Variants in HORMAD2 observed in about 807,000 individuals in gnomAD.
HORMAD2 encodes HORMA domain containing 2.
In HORMAD2, 45 loss-of-function variants were observed where a neutral mutation model predicts 38.8. The ratio of observed to expected loss-of-function variants is 1.16; its 90% CI spans 0.91 to 1.49. The LOEUF (loss-of-function observed/expected upper bound fraction) is 1.49. Among genes scored for constraint, HORMAD2 ranks in the 40% most tolerant of loss-of-function variants. The pLI is 0.00. For synonymous variants in HORMAD2, 126 were observed against 122.8 expected, an observed-to-expected ratio of 1.03 and a Z score of -0.17; for missense variants, 338 against 367.0, an observed-to-expected ratio of 0.92 and a Z score of 0.65.
intron 7 of HORMAD2, among the ~76,000 whole-genome samples, chr22:30,117,412 C>T (rs942022515): frequency 2.6e-5 from 4 of 152,020 alleles, no homozygotes; most frequent in Non-Finnish European, 5.9e-5. Flanking sequence ...GCTTCAACTA[C>T]TAGATGTTTA....
At chr22:30,146,401 C>T (rs947385585) in intron 10 of HORMAD2, among the ~76,000 whole-genome samples, 3 of 151,776 alleles carry the variant, frequency 2.0e-5, no homozygotes, top group African/African-American at 7.3e-5. Context: ...AGGCTGAGGC[C>T]GGGGAATCAC....
chr22:30,191,531 T>C, the HORMAD2 span, among the ~76,000 whole-genome samples: 1 of 152,154 alleles, frequency 6.6e-6, no homozygotes, highest in African/African-American at 2.4e-5. Flanking sequence ...GAGTCAATGA[T>C]CTAATAGAGC....
At chr22:30,178,098 A>G (rs930413527), downstream of HORMAD2, among the ~76,000 whole-genome samples, 1 of 151,860 alleles carries the variant, frequency 6.6e-6, no homozygotes, top group Non-Finnish European at 1.5e-5. Context: ...CTTCACAAAA[A>G]CTCTATAAAG....
At chr22:30,092,345 C>CTTT (rs34673975) in intron 1 of HORMAD2, among the ~76,000 whole-genome samples, 173 of 107,936 alleles carry the variant, frequency 1.6e-3, no homozygotes, top group African/African-American at 5.6e-3. Context: ...AGATCCTTTG[C>CTTT]TTTTTTTTTT....
chr22:30,174,105 A>G (rs1390268276), intron 10 of HORMAD2, among the ~76,000 whole-genome samples: 1 of 152,240 alleles, frequency 6.6e-6, no homozygotes, highest in Non-Finnish European at 1.5e-5. Context: ...ATTGGTAAAC[A>G]GATCATAGTA....
At chr22:30,140,210 G>A (rs1211071665) in intron 10 of HORMAD2, among the ~76,000 whole-genome samples, 1 of 152,102 alleles carries the variant, frequency 6.6e-6, no homozygotes, top group African/African-American at 2.4e-5. Flanking sequence ...GTTGCCGTGA[G>A]CTGAGATAGC....
intron 10 of HORMAD2, among the ~76,000 whole-genome samples, chr22:30,148,442 T>G (rs905333519): frequency 6.6e-6 from 1 of 152,174 alleles, no homozygotes; most frequent in Non-Finnish European, 1.5e-5. Context: ...GTTTTATATC[T>G]TGATTGTGGT....
the HORMAD2 span, chr22:30,207,223 G>A: frequency 1.3e-3 from 499 of 399,116 alleles, 1 homozygote; most frequent in African/African-American, 7.2e-3. Flanking sequence ...GGTTTGGGAC[G>A]ACAGGTGCAT....
At chr22:30,166,801 T>C (rs986363588) in intron 10 of HORMAD2, among the ~76,000 whole-genome samples, 1 of 152,214 alleles carries the variant, frequency 6.6e-6, no homozygotes, top group Non-Finnish European at 1.5e-5. Context: ...AGAGAGGCTT[T>C]GTGGATGAAG....
rs1046334625 is a variant in HORMAD2 at position 30,171,215 on chromosome 22, G to A, written c.820-4848G>A. ...ACACCCATGGCATTAGTTATCCTCCGTATGCTTATGACTTTCAAATTTACA... is the reference window on the plus strand; with the variant it reads ...ACACCCATGGCATTAGTTATCCTCCATATGCTTATGACTTTCAAATTTACA... On this transcript the variant is annotated intron_variant, in intron 10 of 10. Coordinates refer to ENST00000336726, the MANE Select transcript of HORMAD2 (RefSeq NM_152510.4). 1.9e-4 allele frequency among the ~76,000 whole-genome samples: 29 copies of A among 152,004 alleles called. 1 individual carries two copies. Among genetic ancestry groups the A allele is most frequent in the African/African-American group, 7.0e-4 (29 of 41,384 alleles).
chr22:30,128,647 A>G (rs1055997219), intron 10 of HORMAD2, among the ~76,000 whole-genome samples: 1 of 152,150 alleles, frequency 6.6e-6, no homozygotes, highest in African/African-American at 2.4e-5. Flanking sequence ...AGTAGTACCA[A>G]ATCATTTTCC....
At chr22:30,131,854 AC>A (rs923508593) in intron 10 of HORMAD2, among the ~76,000 whole-genome samples, 58 of 152,324 alleles carry the variant, frequency 3.8e-4, no homozygotes, top group African/African-American at 1.4e-3. Flanking sequence ...TATGTAGTTT[AC>A]CTGATGTATT....
At chr22:30,164,052 T>A (rs1056417536) in intron 10 of HORMAD2, among the ~76,000 whole-genome samples, 2 of 152,202 alleles carry the variant, frequency 1.3e-5, no homozygotes, top group Non-Finnish European at 2.9e-5. Flanking sequence ...TATATAATAT[T>A]TGTTCTTTTT....
intron 10 of HORMAD2, among the ~76,000 whole-genome samples, chr22:30,165,629 T>G (rs976452806): frequency 1.3e-5 from 2 of 152,098 alleles, no homozygotes; most frequent in African/African-American, 4.8e-5. Flanking sequence ...AATTTTTTTC[T>G]ATATTTTGTT....
upstream of HORMAD2, among the ~76,000 whole-genome samples, chr22:30,077,860 A>T (rs1362393810): frequency 6.6e-6 from 1 of 152,240 alleles, no homozygotes; most frequent in Non-Finnish European, 1.5e-5. Context: ...TTCCTTAAGT[A>T]ACCGATTCAT....
At chr22:30,160,634 A>G (rs1038010314) in intron 10 of HORMAD2, among the ~76,000 whole-genome samples, 3 of 152,168 alleles carry the variant, frequency 2.0e-5, no homozygotes, top group Non-Finnish European at 4.4e-5. Flanking sequence ...TAGCAGGGAA[A>G]GTTTCACTAT....
intron 1 of HORMAD2, among the ~76,000 whole-genome samples, chr22:30,093,620 A>G (rs1036898535): frequency 1.3e-5 from 2 of 152,172 alleles, no homozygotes; most frequent in African/African-American, 4.8e-5. Flanking sequence ...AATTTTAATT[A>G]TATAGTTCTC....
intron 7 of HORMAD2, among the ~76,000 whole-genome samples, chr22:30,117,913 G>A (rs559305766): frequency 4.6e-5 from 7 of 152,324 alleles, no homozygotes; most frequent in Admixed American, 1.3e-4. Flanking sequence ...GATAGCAGTA[G>A]TAGCATCTAG....
At chr22:30,174,413 A>G (rs975219237) in intron 10 of HORMAD2, among the ~76,000 whole-genome samples, 4 of 152,152 alleles carry the variant, frequency 2.6e-5, no homozygotes, top group African/African-American at 7.2e-5. Flanking sequence ...TTATTTGTCT[A>G]TGTTAAGAAG....
Sources: allele counts gnomAD v4.1 joint callset (sites outside exome capture counted in the v4.1 genomes callset), GRCh38; gene constraint gnomAD v4.1.1; transcripts MANE v1.5; gene names NCBI Gene and HGNC (gene_info 2026-07-23, HGNC 2026-07-21).